SLC6A11: variants seen among roughly 807,000 people sequenced by gnomAD.
SLC6A11 encodes sodium- and chloride-dependent GABA transporter 3.
A neutral mutation model predicts 74.8 loss-of-function variants in SLC6A11; 25 were observed. The observed-to-expected ratio is 0.33, with a 90% confidence interval of 0.24 to 0.47. The LOEUF is 0.47. Among genes scored for constraint, SLC6A11 ranks in the 20% least tolerant of loss-of-function variants. The probability of loss-of-function intolerance (pLI) is 1.00; values close to 1 mark genes in which losing one functional copy is unlikely to be tolerated. For missense variants in SLC6A11, 574 were observed against 837.0 expected, an observed-to-expected ratio of 0.69 and a Z score of 3.88; for synonymous variants, 330 against 330.2, an observed-to-expected ratio of 1.00 and a Z score of 0.01.
Position 10,819,484 on chromosome 3 carries a change from C to T in SLC6A11, c.276C>T (p.Tyr92=), listed in dbSNP as rs376760918. 5.0e-5 allele frequency: 80 copies of T among 1,613,536 alleles called. No individual in the cohort carries two copies. The highest frequency in any genetic ancestry group is 6.0e-5 in the Non-Finnish European group (71 of 1,179,890). Reference sequence around the variant, plus strand: ...TTACAGGGGCATTCCTGATTCCCTACGTGGTGTTTTTTATTTGCTGTGGAA... The same window carrying T: ...TTACAGGGGCATTCCTGATTCCCTATGTGGTGTTTTTTATTTGCTGTGGAA... ...KNGGGAFLIP[Y]VVFFICCGIP... Residue 92 remains tyrosine, a synonymous_variant, in exon 2 of 14, where the codon TAC becomes TAT. Transcript: ENST00000254488.
chr3:10,932,269 G>C (rs1005734948), intron 10 of SLC6A11, among the ~76,000 whole-genome samples: 5 of 152,018 alleles, frequency 3.3e-5, no homozygotes, highest in African/African-American at 1.2e-4. Context: ...TACAGAGCTG[G>C]TCTGTGGTCA....
At chr3:10,837,082 G>C (rs1316291664) in intron 4 of SLC6A11, among the ~76,000 whole-genome samples, 3 of 152,198 alleles carry the variant, frequency 2.0e-5, no homozygotes, top group Non-Finnish European at 4.4e-5. Flanking sequence ...TGGCAGGAGG[G>C]GCTGGCCCTG....
At position 10,932,032 on chromosome 3, in the gene SLC6A11, C is replaced by T. The variant is rs530516445; in HGVS notation, c.1372-1119C>T. On this transcript the variant is annotated intron_variant, in intron 10 of 13. Transcript: ENST00000254488. Reference sequence around the variant, plus strand: ...TTCAGGCTACCCCACCCCACCTGATCCTTCCTAGCTCTTTGACACTTTTAT... The same window carrying T: ...TTCAGGCTACCCCACCCCACCTGATTCTTCCTAGCTCTTTGACACTTTTAT... 2.8e-5 allele frequency among the ~76,000 whole-genome samples: 4 copies of T among 143,262 alleles called. No homozygotes were observed. The East Asian group carries it at 7.8e-4, about 28-fold the overall frequency. The allele number at this position is 143,262 out of a possible 152,430, so 94.0% of individuals were successfully genotyped here.
Position 10,816,532 on chromosome 3 carries a change from A to G in SLC6A11, c.256+11A>G. ...ACAAGAACGGAGGAGGTGAGGTGAT[A>G]GTGAGGAGAAGGGGAGGGGGCGCCA... On this transcript the variant is annotated intron_variant, in intron 1 of 13. Coordinates refer to ENST00000254488, the MANE Select transcript of SLC6A11 (RefSeq NM_014229.3). The surrounding 1 kb of genome is among the most constrained non-coding windows in gnomAD (Gnocchi z 4.2). 1 of 1,573,022 alleles carries G rather than the reference A, an allele frequency of 6.4e-7. No individual in the cohort carries two copies. The highest frequency in any genetic ancestry group is 8.6e-7 in the Non-Finnish European group (1 of 1,157,754).
intron 10 of SLC6A11, among the ~76,000 whole-genome samples, chr3:10,929,800 T>A (rs1695661425): frequency 6.6e-6 from 1 of 152,230 alleles, no homozygotes; most frequent in Non-Finnish European, 1.5e-5. Context: ...TGCACCAGCC[T>A]GGGACTTCTA....
intron 6 of SLC6A11, among the ~76,000 whole-genome samples, chr3:10,876,186 C>T (rs1027796671): frequency 2.0e-5 from 3 of 152,168 alleles, no homozygotes; most frequent in Non-Finnish European, 4.4e-5. Context: ...CCCCTCATCA[C>T]GGTGGGCAGA....
At chr3:10,858,143 C>T (rs948570604) in intron 5 of SLC6A11, among the ~76,000 whole-genome samples, 16 of 152,206 alleles carry the variant, frequency 1.1e-4, no homozygotes, top group African/African-American at 3.4e-4. Flanking sequence ...CAATCACTCA[C>T]ATTCCACGGA....
intron 8 of SLC6A11, among the ~76,000 whole-genome samples, chr3:10,920,358 T>G (rs2106630437): frequency 6.6e-6 from 1 of 152,266 alleles, no homozygotes; most frequent in Non-Finnish European, 1.5e-5. Flanking sequence ...CCCGCTAGGA[T>G]TTTTCATACA....
intron 6 of SLC6A11, among the ~76,000 whole-genome samples, chr3:10,903,099 G>A (rs868738342): frequency 2.0e-5 from 3 of 152,260 alleles, no homozygotes; most frequent in Middle Eastern, 6.8e-3. Context: ...TGCTTTCGTG[G>A]CAGGATGGGT....
Position 10,822,958 on chromosome 3 carries a change from C to T in SLC6A11, c.533-344C>T, listed in dbSNP as rs113485730. ...TTAGTCCCCCTATTCCACTACAGCC[C>T]TTCAGCCAGACAGATAAATGCTACT... On this transcript the variant is annotated intron_variant, in intron 3 of 13. Coordinates refer to ENST00000254488, the MANE Select transcript of SLC6A11 (RefSeq NM_014229.3). Among the ~76,000 whole-genome samples the T allele has an allele frequency of 1.1e-3, 169 of 152,252 alleles. 4 individuals are homozygous for T. Among genetic ancestry groups the T allele is most frequent in the African/African-American group, 3.9e-3 (164 of 41,532 alleles).
At chr3:10,859,914 G>C (rs545096355) in intron 5 of SLC6A11, among the ~76,000 whole-genome samples, 2 of 152,166 alleles carry the variant, frequency 1.3e-5, no homozygotes, top group Admixed American at 6.5e-5. Context: ...AGACTCTACT[G>C]TTGCTTTGAA....
At chr3:10,896,885 C>T (rs1381951892) in intron 6 of SLC6A11, among the ~76,000 whole-genome samples, 1 of 152,116 alleles carries the variant, frequency 6.6e-6, no homozygotes, top group African/African-American at 2.4e-5. Context: ...TGTATTAGTC[C>T]ATATTCACGT....
chr3:10,842,505 C>T (rs1694450913), intron 4 of SLC6A11, among the ~76,000 whole-genome samples: 1 of 152,114 alleles, frequency 6.6e-6, no homozygotes, highest in African/African-American at 2.4e-5. Context: ...TTTAATAAGG[C>T]CTGTAGTTTT....
chr3:10,854,511 C>G (rs1694615147), intron 5 of SLC6A11, among the ~76,000 whole-genome samples: 1 of 152,240 alleles, frequency 6.6e-6, no homozygotes, highest in African/African-American at 2.4e-5. Flanking sequence ...AGAGCTAACA[C>G]TGCTGGAGGC....
chr3:10,919,967 G>A (rs1695513983), intron 8 of SLC6A11, among the ~76,000 whole-genome samples: 1 of 152,118 alleles, frequency 6.6e-6, no homozygotes, highest in African/African-American at 2.4e-5. Flanking sequence ...CTGTGGCTGG[G>A]GCACCTAGCC....
Position 10,816,604 on chromosome 3 carries a change from C to T in SLC6A11, c.256+83C>T, listed in dbSNP as rs944559300. 4.4e-6 allele frequency: 6 copies of T among 1,355,962 alleles called. No homozygotes were observed. In the South Asian group the frequency reaches 6.3e-5, roughly 14 times the overall value. The allele number at this position is 1,355,962 out of a possible 1,614,324, so 84.0% of individuals were successfully genotyped here. On this transcript the variant is annotated intron_variant, in intron 1 of 13. Coordinates refer to ENST00000254488, the MANE Select transcript of SLC6A11 (RefSeq NM_014229.3). This position sits in a 1 kb window ranked among gnomAD's most constrained non-coding sequence, Gnocchi z 4.2. ...GCCAGGGGCGAGCGCGAGACCCCCT[C>T]CCGCGCCTGCGTGGAGCGGAACCCG...
At chr3:10,829,182 T>C (rs1238826738) in intron 4 of SLC6A11, among the ~76,000 whole-genome samples, 1 of 152,222 alleles carries the variant, frequency 6.6e-6, no homozygotes, top group Non-Finnish European at 1.5e-5. Flanking sequence ...GGTTCTCCCA[T>C]ATGTGAAATG....
chr3:10,854,460 A>G (rs896241374), intron 5 of SLC6A11, among the ~76,000 whole-genome samples: 1 of 152,218 alleles, frequency 6.6e-6, no homozygotes, highest in Non-Finnish European at 1.5e-5. Context: ...ACATTCTCTC[A>G]TTGTTTATGT....
chr3:10,893,557 A>G (rs1227980575), intron 6 of SLC6A11, among the ~76,000 whole-genome samples: 1 of 152,176 alleles, frequency 6.6e-6, no homozygotes, highest in African/African-American at 2.4e-5. Flanking sequence ...CTGGCAGGGT[A>G]GGAGTTTCCT....
Sources: gnomAD v4.1 joint callset for allele counts (sites outside exome capture counted in the v4.1 genomes callset) on GRCh38, gnomAD v4.1.1 for gene constraint, Gnocchi (gnomAD v3.1) non-coding constraint, MANE v1.5 for transcripts, NCBI Gene and HGNC (gene_info 2026-07-23, HGNC 2026-07-21) for gene names.